The following PTPRT variants were observed in gnomAD, a reference collection of about 807,000 sequenced individuals.
PTPRT encodes the protein receptor-type tyrosine-protein phosphatase T.
A neutral mutation model predicts 176.8 loss-of-function variants in PTPRT; 56 were observed. The observed-to-expected ratio is 0.32, with a 90% CI of 0.26 to 0.40. The LOEUF is 0.40. Ranked by LOEUF, PTPRT falls within the 10% of genes least tolerant of loss-of-function variation. The pLI is 1.00. For synonymous variants in PTPRT, 783 were observed against 739.0 expected, an observed-to-expected ratio of 1.06 and a Z score of -0.96; for missense variants, 1,540 against 1,908.2, an observed-to-expected ratio of 0.81 and a Z score of 3.60.
chr20:42,354,949 C>T (rs926481645), intron 9 of PTPRT, among the ~76,000 whole-genome samples: 4 of 151,796 alleles, frequency 2.6e-5, no homozygotes, highest in African/African-American at 9.7e-5. Context: ...TCAAGCAGCA[C>T]CTGAGTGTGC....
chr20:42,167,362 G>A (rs1242783376), intron 16 of PTPRT, among the ~76,000 whole-genome samples: 1 of 152,038 alleles, frequency 6.6e-6, no homozygotes, highest in Non-Finnish European at 1.5e-5. Flanking sequence ...CCTCATTCAG[G>A]TCTTCATGAC....
chr20:42,643,369 G>A (rs1000687875), intron 7 of PTPRT, among the ~76,000 whole-genome samples: 1 of 152,028 alleles, frequency 6.6e-6, no homozygotes, highest in African/African-American at 2.4e-5. Flanking sequence ...CACCTAGGCT[G>A]GAGTGCAGTG....
intron 7 of PTPRT, among the ~76,000 whole-genome samples, chr20:42,504,625 G>T (rs1304119071): frequency 4.0e-5 from 6 of 151,818 alleles, no homozygotes; most frequent in African/African-American, 1.5e-4. Flanking sequence ...CAGCCTATTT[G>T]CATTATTACA....
intron 4 of PTPRT, among the ~76,000 whole-genome samples, chr20:42,777,763 A>T (rs2077158362): frequency 6.6e-6 from 1 of 152,200 alleles, no homozygotes; most frequent in Admixed American, 6.5e-5. Flanking sequence ...TCCTTAGGAA[A>T]GGGACTTTGC....
chr20:42,213,142 G>A (rs1413241109), intron 15 of PTPRT, among the ~76,000 whole-genome samples: 1 of 152,212 alleles, frequency 6.6e-6, no homozygotes, highest in Non-Finnish European at 1.5e-5. Context: ...AGCAACGCAA[G>A]TTCACCGGCC....
intron 17 of PTPRT, among the ~76,000 whole-genome samples, chr20:42,143,344 A>T (rs1257376296): frequency 1.3e-5 from 2 of 152,082 alleles, no homozygotes; most frequent in East Asian, 3.9e-4. Flanking sequence ...TCACGAGGTC[A>T]GGAGATCAAG....
chr20:42,581,124 C>A (rs2073363264), intron 7 of PTPRT, among the ~76,000 whole-genome samples: 2 of 152,190 alleles, frequency 1.3e-5, no homozygotes, highest in Admixed American at 1.3e-4. Flanking sequence ...AGGGCCTTTG[C>A]AATGGCTGGC....
intron 9 of PTPRT, among the ~76,000 whole-genome samples, chr20:42,441,557 T>A (rs4625979): frequency 0.22 from 33,592 of 152,068 alleles, 4,472 homozygotes; most frequent in East Asian, 0.35. Context: ...TCTTAAGATG[T>A]TCTGTCTGGC....
intron 1 of PTPRT, among the ~76,000 whole-genome samples, chr20:42,903,144 T>C (rs569955885): frequency 1.3e-5 from 2 of 152,342 alleles, no homozygotes; most frequent in East Asian, 1.9e-4. Flanking sequence ...TGGATCCTTA[T>C]TGAGCAGCTA....
intron 9 of PTPRT, among the ~76,000 whole-genome samples, chr20:42,427,635 C>T (rs1161622760): frequency 6.6e-6 from 1 of 152,140 alleles, no homozygotes; most frequent in Admixed American, 6.5e-5. Flanking sequence ...TTATCATCTC[C>T]CAAAGGTCTC....
chr20:42,172,272 A>T (rs190379812), intron 16 of PTPRT, among the ~76,000 whole-genome samples: 89 of 152,306 alleles, frequency 5.8e-4, no homozygotes, highest in African/African-American at 2.1e-3. Context: ...GAGGAGCTGA[A>T]AAAAAACAGC....
At chr20:42,577,923 CTGTGTGTGTGTGTGTGTGTG>C (rs777761268) in intron 7 of PTPRT, among the ~76,000 whole-genome samples, 5 of 111,270 alleles carry the variant, frequency 4.5e-5, no homozygotes, top group Non-Finnish European at 8.8e-5. Flanking sequence ...CTGAGCGAGG[CTGTGTGTGTGTGTGTGTGTG>C]TGTGTGTGTG....
chr20:42,199,458 T>C (rs1991363997), intron 15 of PTPRT, 70 bp from the exon 16 acceptor site: 10 of 1,517,084 alleles, frequency 6.6e-6, no homozygotes, highest in South Asian at 5.0e-5. Context: ...ATTGGGTAGA[T>C]TGTTCTTCCC....
intron 2 of PTPRT, among the ~76,000 whole-genome samples, chr20:42,826,797 A>G (rs1293665757): frequency 1.3e-5 from 2 of 152,212 alleles, no homozygotes; most frequent in South Asian, 2.1e-4. Flanking sequence ...ATGGTATGCA[A>G]TCTTCAAGAG....
chr20:42,520,934 TATC>T (rs1328425420), intron 7 of PTPRT, among the ~76,000 whole-genome samples: 1 of 151,752 alleles, frequency 6.6e-6, no homozygotes, highest in Non-Finnish European at 1.5e-5. Context: ...TCTATCTACC[TATC>T]ATCTATCTAT....
At chr20:42,136,674 C>T (rs971459026) in intron 18 of PTPRT, among the ~76,000 whole-genome samples, 4 of 152,166 alleles carry the variant, frequency 2.6e-5, no homozygotes, top group Non-Finnish European at 5.9e-5. Context: ...CATCCAGGCA[C>T]TGCCCCACTG....
At position 42,282,573 on chromosome 20, in the gene PTPRT, T is replaced by A. The variant is rs1003483436; in HGVS notation, c.2140-48A>T. The A allele has an allele frequency of 3.4e-6, 5 of 1,484,472 alleles. No homozygotes were observed. In the African/African-American group the frequency reaches 7.0e-5, roughly 21 times the overall value. The allele number at this position is 1,484,472 out of a possible 1,614,324, so 92.0% of individuals were successfully genotyped here. A position where few individuals can be genotyped will look rare whatever the true frequency, so the allele number is the denominator to read the frequency against. On this transcript the variant is annotated intron_variant, in intron 12 of 30. Coordinates refer to ENST00000373187, the MANE Select transcript of PTPRT (RefSeq NM_007050.6). ...GCCAATTAATTAGCTGTGAGTTATA[T>A]AAAATTGTTATATAAAGACAAAAAT... is the stretch of plus-strand genomic sequence containing the variant.
At chr20:42,092,706 C>G (rs1238536668) in intron 27 of PTPRT, among the ~76,000 whole-genome samples, 1 of 152,074 alleles carries the variant, frequency 6.6e-6, no homozygotes, top group African/African-American at 2.4e-5. Context: ...TTTCACAAGC[C>G]CAGACTAAAA....
chr20:43,055,924 T>A (rs764871683), intron 1 of PTPRT, among the ~76,000 whole-genome samples: 14 of 152,214 alleles, frequency 9.2e-5, no homozygotes, highest in Non-Finnish European at 2.1e-4. Context: ...TGAATCCACC[T>A]TTGGCCAAGA....
Sources: gnomAD v4.1 joint callset for allele counts (sites outside exome capture counted in the v4.1 genomes callset) on GRCh38, gnomAD v4.1.1 for gene constraint, MANE v1.5 for transcripts, NCBI Gene and HGNC (gene_info 2026-07-23, HGNC 2026-07-21) for gene names.